STRN: variants seen among roughly 807,000 people sequenced by gnomAD.
The protein encoded by STRN is protein phosphatase 2 regulatory subunit B'''alpha.
In STRN, 53 loss-of-function variants were observed where a neutral mutation model predicts 96.3. The observed-to-expected ratio is 0.55, with a 90% CI of 0.44 to 0.69. The LOEUF (loss-of-function observed/expected upper bound fraction) is 0.69. STRN is among the 30% of genes least tolerant of loss of function. STRN has a pLI of 0.00. For synonymous variants in STRN, 428 were observed against 355.9 expected (o/e 1.20, Z -2.28); for missense variants, 987 against 963.9 (o/e 1.02, Z -0.32).
chr2:36,920,116 T>G (rs190159197), intron 2 of STRN, among the ~76,000 whole-genome samples: 42 of 152,252 alleles, frequency 2.8e-4, no homozygotes, highest in Admixed American at 2.0e-3. Flanking sequence ...TGCATTAAAA[T>G]AGATCAAGGT....
chr2:36,862,669 G>A (rs184947907), intron 12 of STRN, among the ~76,000 whole-genome samples: 4 of 151,310 alleles, frequency 2.6e-5, no homozygotes, highest in East Asian at 3.9e-4. Context: ...TCTGTTGGCC[G>A]CATGTATGTC....
Position 36,845,882 on chromosome 2 carries a change from TAA to T in STRN, c.*3572_*3573del, listed in dbSNP as rs1156937168. ...ACAAATCAGGACCTTCACAGATTGG[TAA>T]ACACACACACACACACACACACGCA... On this transcript the variant is annotated 3_prime_UTR_variant, in exon 18 of 18. Coordinates refer to ENST00000263918, the MANE Select transcript of STRN (RefSeq NM_003162.4). 2 of 67,504 alleles carry T rather than the reference TAA, an allele frequency of 3.0e-5. No individual in the cohort carries two copies. The highest frequency in any genetic ancestry group is 3.1e-5 in the Non-Finnish European group (1 of 31,828). 4.2% of individuals were successfully genotyped at this position (67,504 alleles called of 1,614,324 possible). A position where few individuals can be genotyped will look rare whatever the true frequency, so the allele number is the denominator to read the frequency against.
intron 2 of STRN, among the ~76,000 whole-genome samples, chr2:36,921,320 T>C (rs1452977296): frequency 6.6e-6 from 1 of 152,008 alleles, no homozygotes; most frequent in Non-Finnish European, 1.5e-5. Flanking sequence ...AATACTACTC[T>C]CTCCTCCTTC....
chr2:36,915,354 A>G (rs1467133277), intron 3 of STRN, among the ~76,000 whole-genome samples: 1 of 149,398 alleles, frequency 6.7e-6, no homozygotes, highest in Non-Finnish European at 1.5e-5. Flanking sequence ...TGGGAAATTT[A>G]ACCTGAAATT....
intron 3 of STRN, among the ~76,000 whole-genome samples, chr2:36,914,961 C>A (rs921262070): frequency 1.3e-5 from 2 of 151,726 alleles, no homozygotes; most frequent in Non-Finnish European, 2.9e-5. Flanking sequence ...CTTTGGGAGG[C>A]CGAGGGGGGG....
chr2:36,966,387 G>A lies in STRN; in HGVS notation c.77C>T (p.Pro26Leu). ...PGAGGAKGLG[P>L]LAEAAAAGDG... ...GCCGGCCGCGGCAGCCTCCGCCAGA[G>A]GCCCGAGCCCCTTGGCACCGCCGGC... The change falls in exon 1 of 18, where the codon CCT becomes CTT. Residue 26 changes from proline (P) to leucine (L), a missense_variant. Coordinates refer to ENST00000263918, the MANE Select transcript of STRN (RefSeq NM_003162.4). 6.8e-7 allele frequency: 1 copy of A among 1,464,050 alleles called. No homozygotes were observed. Among genetic ancestry groups the A allele is most frequent in the Non-Finnish European group, 9.0e-7 (1 of 1,110,150 alleles). The allele number at this position is 1,464,050 out of a possible 1,614,324, so 90.7% of individuals were successfully genotyped here. A position where few individuals can be genotyped will look rare whatever the true frequency, so the allele number is the denominator to read the frequency against.
In STRN at chr2:36,902,635, T is replaced by C. The variant is rs1261363951; in HGVS notation, c.608A>G (p.Asp203Gly). ...VTDREDDKNQ[D>G]SVVNGTEAEV... is the part of the protein sequence containing the mutation. The stretch of plus-strand genomic sequence containing the variant: ...AGCCTCTGTGCCATTTACAACTGAG[T>C]CCTGATTTTTGTCATCTTCCCTGTC... Residue 203 changes from aspartate (D) to glycine (G), a missense_variant, in exon 5 of 18, where the codon GAC (aspartate) becomes GGC (glycine). Transcript: ENST00000263918. The C allele has an allele frequency of 3.1e-6, 5 of 1,611,844 alleles. No homozygotes were observed. The Admixed American group carries it at 8.3e-5, about 27-fold the overall frequency.
At chr2:36,907,791 T>C (rs1669862461) in intron 3 of STRN, among the ~76,000 whole-genome samples, 1 of 152,094 alleles carries the variant, frequency 6.6e-6, no homozygotes, top group African/African-American at 2.4e-5. Flanking sequence ...AATAAGAAAT[T>C]AGAGAAATAC....
intron 15 of STRN, 128 bp downstream of exon 15, chr2:36,855,084 C>A: frequency 1.0e-6 from 1 of 963,030 alleles, no homozygotes. Flanking sequence ...TTCTAAGTAA[C>A]TGTGTTCTGA....
chr2:36,861,441 T>C (rs936309432), intron 12 of STRN, among the ~76,000 whole-genome samples, 188 bp from the exon 13 acceptor site: 2 of 152,188 alleles, frequency 1.3e-5, no homozygotes, highest in South Asian at 2.1e-4. Flanking sequence ...TGGTAAATTA[T>C]GGTCAGCAGG....
At chr2:36,881,179 G>C (rs1015364752) in intron 9 of STRN, among the ~76,000 whole-genome samples, 1 of 136,868 alleles carries the variant, frequency 7.3e-6, no homozygotes, top group African/African-American at 2.8e-5. Context: ...CCAGACTGAA[G>C]TGCAGTGGTG....
At chr2:36,910,944 T>C (rs190139812) in intron 3 of STRN, among the ~76,000 whole-genome samples, 41 of 152,168 alleles carry the variant, frequency 2.7e-4, no homozygotes, top group African/African-American at 8.4e-4. Flanking sequence ...AAAAAAAAAT[T>C]AGAAAGGAAA....
chr2:36,944,847 T>C (rs879636264), intron 1 of STRN, among the ~76,000 whole-genome samples: 9 of 152,124 alleles, frequency 5.9e-5, no homozygotes, highest in Non-Finnish European at 8.8e-5. Flanking sequence ...TGCAAATTAA[T>C]ATAAGTAGGA....
Position 36,940,222 on chromosome 2 carries a change from G to A in STRN, c.235-15014C>T, listed in dbSNP as rs539894854. ...AGGCATTTTATATAAGATGTACTTCGAAGGAAAAGTAATAGAAGAAATATA... is the reference window on the plus strand; with the variant it reads ...AGGCATTTTATATAAGATGTACTTCAAAGGAAAAGTAATAGAAGAAATATA... On this transcript the variant is annotated intron_variant, in intron 1 of 17. Transcript: ENST00000263918. Among the ~76,000 whole-genome samples, 77 of 152,114 alleles carry A rather than the reference G, an allele frequency of 5.1e-4. 2 individuals are homozygous for A. The highest frequency in any genetic ancestry group is 2.1e-4 in the South Asian group (1 of 4,812).
At chr2:36,881,982 T>A (rs1395209181) in intron 9 of STRN, among the ~76,000 whole-genome samples, 4 of 152,204 alleles carry the variant, frequency 2.6e-5, no homozygotes, top group Admixed American at 2.6e-4. Flanking sequence ...ACATCTGTAA[T>A]TCAAAAGACA....
intron 3 of STRN, among the ~76,000 whole-genome samples, chr2:36,912,684 C>G (rs1265964664): frequency 6.6e-6 from 1 of 152,180 alleles, no homozygotes. Context: ...TGAGTGCCAC[C>G]AGTACCATAT....
intron 10 of STRN, among the ~76,000 whole-genome samples, chr2:36,874,766 C>T (rs921335314): frequency 1.1e-4 from 15 of 131,846 alleles, no homozygotes; most frequent in South Asian, 5.1e-4. Context: ...GAATTCAATA[C>T]GCAATAACAG....
At chr2:36,909,847 T>C (rs1213186219) in intron 3 of STRN, among the ~76,000 whole-genome samples, 3 of 152,054 alleles carry the variant, frequency 2.0e-5, no homozygotes, top group East Asian at 1.9e-4. Context: ...ACAGGAGATA[T>C]CTCATCAGAA....
At chr2:36,875,627 A>T (rs949796983) in intron 10 of STRN, among the ~76,000 whole-genome samples, 6 of 151,600 alleles carry the variant, frequency 4.0e-5, no homozygotes, top group Admixed American at 3.3e-4. Context: ...AACATGAAAT[A>T]TAAGGCAACA....
Sources: gnomAD v4.1 joint callset for allele counts (sites outside exome capture counted in the v4.1 genomes callset) on GRCh38, gnomAD v4.1.1 for gene constraint, MANE v1.5 for transcripts, NCBI Gene and HGNC (gene_info 2026-07-23, HGNC 2026-07-21) for gene names.